MCF2L: variants seen among roughly 807,000 people sequenced by gnomAD.
The protein encoded by MCF2L is MCF.2 cell line derived transforming sequence like.
A neutral mutation model predicts 153.4 loss-of-function variants in MCF2L; 97 were observed. The ratio of observed to expected loss-of-function variants is 0.63; its 90% CI spans 0.54 to 0.75. MCF2L has a LOEUF of 0.75. Ranked by LOEUF, MCF2L falls within the 30% of genes least tolerant of loss-of-function variation. The pLI, the probability that MCF2L is intolerant of heterozygous loss-of-function variation, is 0.00. For missense variants in MCF2L, 1,347 were observed against 1,495.2 expected (o/e 0.90, Z 1.64); for synonymous variants, 659 against 632.2 (o/e 1.04, Z -0.64).
rs140440192 is a variant in MCF2L at position 113,097,230 on chromosome 13, G to A, written c.*371G>A. On this transcript the variant is annotated 3_prime_UTR_variant, in exon 30 of 30. Transcript: ENST00000535094. The stretch of plus-strand genomic sequence containing the variant: ...AGAAGTGGAGGATCCTCTGGCCAAC[G>A]GCCTGAGGAGAGCGGGGCACGGGGT... 1.2e-4 allele frequency: 26 copies of A among 212,926 alleles called. No individual in the cohort carries two copies. The highest frequency in any genetic ancestry group is 5.5e-4 in the African/African-American group (24 of 43,554). The allele number at this position is 212,926 out of a possible 1,614,324, so 13.2% of individuals were successfully genotyped here. A position where few individuals can be genotyped will look rare whatever the true frequency, so the allele number is the denominator to read the frequency against.
At chr13:112,944,251 T>A (rs138965908) in intron 2 of MCF2L, among the ~76,000 whole-genome samples, 1 of 151,512 alleles carries the variant, frequency 6.6e-6, no homozygotes, top group Non-Finnish European at 1.5e-5. Context: ...TCCCGGGCCA[T>A]GAAGGGAGGG....
chr13:113,032,264 G>T (rs1187880771), intron 3 of MCF2L, among the ~76,000 whole-genome samples: 1 of 152,242 alleles, frequency 6.6e-6, no homozygotes, highest in Non-Finnish European at 1.5e-5. Flanking sequence ...CTCGCTGTGG[G>T]TTTGATTTCC....
rs777384216 is a variant in MCF2L at position 113,002,110 on chromosome 13, C to T, written c.80-12653C>T. The T allele has an allele frequency of 1.0e-3, 1,072 of 1,025,402 alleles. 1 individual carries two copies. The highest frequency in any genetic ancestry group is 1.3e-3 in the Non-Finnish European group (968 of 766,788). 63.5% of individuals were successfully genotyped at this position (1,025,402 alleles called of 1,614,324 possible). On this transcript the variant is annotated intron_variant, in intron 1 of 29. Transcript: ENST00000535094. ...CTCAGAGGCTGCTGGGGCAGAAGCCCGGGGCTGGGGGATGCCGGGGATGGA... is the reference window on the plus strand; with the variant it reads ...CTCAGAGGCTGCTGGGGCAGAAGCCTGGGGCTGGGGGATGCCGGGGATGGA...
Position 113,027,047 on chromosome 13 carries a change from T to TAA in MCF2L, c.278+2293_278+2294dup, listed in dbSNP as rs1428909368. ...TGGGGTATAGTGAACACACACCAAGTAAAAACAGAAATATCCTTAAATATG... is the reference window on the plus strand; with the variant it reads ...TGGGGTATAGTGAACACACACCAAGTAAAAAAACAGAAATATCCTTAAATATG... On this transcript the variant is annotated intron_variant, in intron 3 of 29. Transcript: ENST00000535094. This position sits in a 1 kb window ranked among gnomAD's most constrained non-coding sequence, Gnocchi z 4.8. 1.3e-6 allele frequency: 1 copy of TAA among 775,896 alleles called. No homozygotes were observed. Among genetic ancestry groups the TAA allele is most frequent in the South Asian group, 1.4e-5 (1 of 73,822 alleles). The allele number at this position is 775,896 out of a possible 1,614,324, so 48.1% of individuals were successfully genotyped here.
chr13:113,007,479 G>A (rs575037240), intron 1 of MCF2L, among the ~76,000 whole-genome samples: 6 of 152,298 alleles, frequency 3.9e-5, no homozygotes, highest in East Asian at 3.9e-4. Flanking sequence ...ACCGTGAGGC[G>A]GAGAAAGAGG....
At chr13:113,050,257 T>G (rs1480426037) in intron 4 of MCF2L, among the ~76,000 whole-genome samples, 1 of 137,830 alleles carries the variant, frequency 7.3e-6, no homozygotes, top group African/African-American at 2.8e-5. Context: ...AGTGGGAGTG[T>G]AAGTGAATGT....
Position 113,025,819 on chromosome 13 carries a change from T to G in MCF2L, c.278+1061T>G, listed in dbSNP as rs896324156. 6.5e-5 allele frequency among the ~76,000 whole-genome samples: 8 copies of G among 123,714 alleles called. 1 individual carries two copies. The highest frequency in any genetic ancestry group is 5.2e-4 in the East Asian group (2 of 3,842). The allele number at this position is 123,714 out of a possible 152,430, so 81.2% of individuals were successfully genotyped here. On this transcript the variant is annotated intron_variant, in intron 3 of 29. Transcript: ENST00000535094. Reference sequence around the variant, plus strand: ...GTCATGGGGTCCCCGTGACTGTGGGTCGGGGCAGAGTCTCTGTGAGGTTTC... The same window carrying G: ...GTCATGGGGTCCCCGTGACTGTGGGGCGGGGCAGAGTCTCTGTGAGGTTTC...
intron 3 of MCF2L, among the ~76,000 whole-genome samples, chr13:113,029,779 C>T (rs1422626855): frequency 2.6e-5 from 4 of 152,202 alleles, no homozygotes; most frequent in African/African-American, 9.7e-5. Context: ...GAGACCCTGG[C>T]ACAGGCGGTT....
chr13:112,915,107 G>A (rs1049853561), intron 2 of MCF2L, among the ~76,000 whole-genome samples: 6 of 151,806 alleles, frequency 4.0e-5, no homozygotes, highest in East Asian at 1.9e-4. Context: ...TCCTAACATC[G>A]TTCATCAAAA....
Position 113,097,393 on chromosome 13 carries a change from T to C in MCF2L, c.*534T>C, listed in dbSNP as rs1479161124. On this transcript the variant is annotated 3_prime_UTR_variant, in exon 30 of 30. Transcript: ENST00000535094. ...AATGACAATTTGATACTGTATTTGA[T>C]AGAAAACTATTTTTTTGTTACCGGG... 3 of 152,596 alleles carry C rather than the reference T, an allele frequency of 2.0e-5. No homozygotes were observed. The highest frequency in any genetic ancestry group is 7.2e-5 in the African/African-American group (3 of 41,492). 9.5% of individuals were successfully genotyped at this position (152,596 alleles called of 1,614,324 possible). A position where few individuals can be genotyped will look rare whatever the true frequency, so the allele number is the denominator to read the frequency against.
intron 4 of MCF2L, among the ~76,000 whole-genome samples, chr13:113,049,162 G>A (rs920958746): frequency 3.3e-5 from 5 of 152,238 alleles, no homozygotes; most frequent in Non-Finnish European, 7.3e-5. Context: ...TTTCATGAAG[G>A]AGAAGTGGGC....
At chr13:113,089,966 C>T (rs1213844733) in intron 26 of MCF2L, 40 of 1,595,568 alleles carry the variant, frequency 2.5e-5, no homozygotes, top group Middle Eastern at 1.7e-4. Context: ...CTCGGCCGAG[C>T]GTGCAACCCG....
intron 1 of MCF2L, chr13:113,010,168 C>A (rs1352409496): frequency 6.6e-6 from 1 of 151,072 alleles, no homozygotes; most frequent in East Asian, 2.0e-4. Context: ...GCCTCCAGTC[C>A]CCGTTCTCTC....
At chr13:113,090,865 G>A (rs897276984) in intron 26 of MCF2L, 11 of 1,154,912 alleles carry the variant, frequency 9.5e-6, no homozygotes, top group East Asian at 1.3e-4. Flanking sequence ...CTAAGAAAAC[G>A]TCCCTAGAGA....
Position 112,943,999 on chromosome 13 carries a change from A to G in MCF2L, c.169+41628A>G, listed in dbSNP as rs1594363767. On this transcript the variant is annotated intron_variant, in intron 2 of 29. Transcript: ENST00000375608. This position sits in a 1 kb window ranked among gnomAD's most constrained non-coding sequence, Gnocchi z 4.2. ...TGAGGGGAGGGTCCCGGGTGAGGGG[A>G]GGGTCCCGGGCCTTGAGGGGAGGGG... Among the ~76,000 whole-genome samples, 1 of 108,916 alleles carries G rather than the reference A, an allele frequency of 9.2e-6. No homozygotes were observed. 71.5% of individuals were successfully genotyped at this position (108,916 alleles called of 152,430 possible).
chr13:113,033,214 G>T (rs2085862038), intron 3 of MCF2L, among the ~76,000 whole-genome samples: 1 of 147,162 alleles, frequency 6.8e-6, no homozygotes, highest in African/African-American at 2.6e-5. Context: ...TGGCCCCCGT[G>T]ACATGAGTGG....
In MCF2L at chr13:113,028,360, A is replaced by G. The variant is rs2085437591; in HGVS notation, c.278+3602A>G. Among the ~76,000 whole-genome samples, 1 of 152,156 alleles carries G rather than the reference A, an allele frequency of 6.6e-6. No individual in the cohort carries two copies. The highest frequency in any genetic ancestry group is 2.4e-5 in the African/African-American group (1 of 41,440). ...TGTTCATGTGTGCACGCCTCTGTTTATCCGATGTTCTGGAACCTTCCATGG... is the reference window on the plus strand; with the variant it reads ...TGTTCATGTGTGCACGCCTCTGTTTGTCCGATGTTCTGGAACCTTCCATGG... On this transcript the variant is annotated intron_variant, in intron 3 of 29. Transcript: ENST00000535094. This position sits in a 1 kb window ranked among gnomAD's most constrained non-coding sequence, Gnocchi z 5.4.
intron 2 of MCF2L, among the ~76,000 whole-genome samples, chr13:112,921,399 A>G (rs2081351850): frequency 6.6e-6 from 1 of 152,204 alleles, no homozygotes. Flanking sequence ...GAGGCTCCAC[A>G]CACTGTTTAC....
intron 2 of MCF2L, among the ~76,000 whole-genome samples, chr13:113,020,023 G>A (rs372274233): frequency 3.4e-4 from 52 of 152,328 alleles, no homozygotes; most frequent in Non-Finnish European, 5.9e-4. Flanking sequence ...AGCCATAAAC[G>A]AGTGGTGTTG....
Sources: allele counts gnomAD v4.1 joint callset (sites outside exome capture counted in the v4.1 genomes callset), GRCh38; gene constraint gnomAD v4.1.1; non-coding constraint Gnocchi (gnomAD v3.1); transcripts MANE v1.5; gene names NCBI Gene and HGNC (gene_info 2026-07-23, HGNC 2026-07-21).